The following ANGPT1 variants were observed in gnomAD, a reference collection of about 807,000 sequenced individuals.
ANGPT1 encodes the protein angiopoietin 1.
A neutral mutation model predicts 62.2 loss-of-function variants in ANGPT1; 17 were observed. The observed-to-expected ratio is 0.27, with a 90% CI of 0.19 to 0.41. The LOEUF (loss-of-function observed/expected upper bound fraction) is 0.41, where lower values mean the gene tolerates loss of function less well. ANGPT1 is among the 10% of genes least tolerant of loss of function. The probability of loss-of-function intolerance (pLI) is 1.00; values close to 1 mark genes in which losing one functional copy is unlikely to be tolerated. For missense variants in ANGPT1, 478 were observed against 594.9 expected (o/e 0.80, Z 2.04); for synonymous variants, 199 against 198.9 (o/e 1.00, Z 0.00).
At position 107,444,762 on chromosome 8, in the gene ANGPT1, C is replaced by T. The variant is rs181713643; in HGVS notation, c.297+52500G>A. Among the ~76,000 whole-genome samples the T allele has an allele frequency of 3.3e-5, 5 of 152,086 alleles. 1 individual carries two copies. The East Asian group carries it at 9.7e-4, about 30-fold the overall frequency. On this transcript the variant is annotated intron_variant, in intron 1 of 8. Coordinates refer to ENST00000517746, the MANE Select transcript of ANGPT1 (RefSeq NM_001146.5). ...GAGTGAAAAAATCACTTACCCTGAC[C>T]AAGCATGTAAGACAATGATTTCTAG... is the stretch of plus-strand genomic sequence containing the variant.
chr8:107,361,504 C>A (rs1368492134), intron 1 of ANGPT1, among the ~76,000 whole-genome samples: 2 of 145,888 alleles, frequency 1.4e-5, no homozygotes, highest in African/African-American at 5.0e-5. Context: ...GTATCTATAT[C>A]TATATCTATA....
At chr8:107,281,105 A>G (rs1040181951) in intron 7 of ANGPT1, among the ~76,000 whole-genome samples, 1 of 152,168 alleles carries the variant, frequency 6.6e-6, no homozygotes, top group Non-Finnish European at 1.5e-5. Context: ...GAGTTTCCTT[A>G]GAGGATAAAA....
Position 107,289,020 on chromosome 8 carries a change from C to T in ANGPT1, c.1039-4172G>A, listed in dbSNP as rs565145696. On this transcript the variant is annotated intron_variant, in intron 6 of 8. Transcript: ENST00000517746. ...GAGTAAACAATTACAATACAATTTC[C>T]TCTTTTTCATGAATAAAATCTAAGG... 2.0e-5 allele frequency among the ~76,000 whole-genome samples: 3 copies of T among 152,178 alleles called. No homozygotes were observed. The East Asian group carries it at 5.8e-4, about 29-fold the overall frequency.
At chr8:107,315,859 G>A (rs1191127630) in intron 4 of ANGPT1, among the ~76,000 whole-genome samples, 2 of 152,076 alleles carry the variant, frequency 1.3e-5, no homozygotes, top group South Asian at 4.1e-4. Context: ...ACCCCTACAT[G>A]AATAAGAGCC....
At chr8:107,265,546 G>T (rs1563540828) in intron 7 of ANGPT1, among the ~76,000 whole-genome samples, 1 of 152,138 alleles carries the variant, frequency 6.6e-6, no homozygotes, top group Non-Finnish European at 1.5e-5. Context: ...GTGTTCTCTG[G>T]CTAAGACTCT....
At chr8:107,490,530 C>T (rs907998545) in intron 1 of ANGPT1, among the ~76,000 whole-genome samples, 1 of 152,214 alleles carries the variant, frequency 6.6e-6, no homozygotes, top group South Asian at 2.1e-4. Flanking sequence ...TAGTCAGGCT[C>T]TCTGCCAACT....
chr8:107,491,426 C>T (rs1399994903), intron 1 of ANGPT1, among the ~76,000 whole-genome samples: 1 of 151,962 alleles, frequency 6.6e-6, no homozygotes, highest in Non-Finnish European at 1.5e-5. Flanking sequence ...GTAGCAAGTA[C>T]CATGAAGAAA....
intron 7 of ANGPT1, among the ~76,000 whole-genome samples, chr8:107,281,256 C>T (rs1311697828): frequency 6.6e-6 from 1 of 151,916 alleles, no homozygotes; most frequent in Admixed American, 6.6e-5. Context: ...AGGACCACAC[C>T]TGTTACAAGA....
At chr8:107,348,063 A>G (rs78672400) in intron 1 of ANGPT1, among the ~76,000 whole-genome samples, 1 of 152,136 alleles carries the variant, frequency 6.6e-6, no homozygotes, top group Non-Finnish European at 1.5e-5. Context: ...TTATTACTCT[A>G]CTACACATAT....
intron 1 of ANGPT1, among the ~76,000 whole-genome samples, chr8:107,378,168 C>G (rs996979619): frequency 6.6e-6 from 1 of 152,172 alleles, no homozygotes; most frequent in African/African-American, 2.4e-5. Flanking sequence ...GGTTTAGACA[C>G]ACTTGAATTT....
intron 6 of ANGPT1, among the ~76,000 whole-genome samples, chr8:107,285,685 GC>G (rs780105302): frequency 2.3e-4 from 35 of 152,072 alleles, no homozygotes; most frequent in Non-Finnish European, 4.0e-4. Context: ...GAAAGCCAGC[GC>G]TTAATGTTGG....
chr8:107,476,127 C>A (rs1300277864), intron 1 of ANGPT1, among the ~76,000 whole-genome samples: 3 of 152,190 alleles, frequency 2.0e-5, no homozygotes, highest in Non-Finnish European at 4.4e-5. Flanking sequence ...TATAAAGACA[C>A]ATCCACATGT....
At chr8:107,361,327 C>T (rs1228836024) in intron 1 of ANGPT1, among the ~76,000 whole-genome samples, 1 of 151,210 alleles carries the variant, frequency 6.6e-6, no homozygotes, top group African/African-American at 2.4e-5. Context: ...ACCTCCTGAG[C>T]TGGAATAATT....
At chr8:107,282,595 T>TATATAA in intron 7 of ANGPT1, among the ~76,000 whole-genome samples, 1 of 123,910 alleles carries the variant, frequency 8.1e-6, no homozygotes, top group Non-Finnish European at 1.7e-5. Flanking sequence ...TATATATATA[T>TATATAA]GAGCCTCAGC....
rs139781448 is a variant in ANGPT1 at position 107,459,489 on chromosome 8, AAACAACAACAACAACAAC to A, written c.297+37755_297+37772del. On this transcript the variant is annotated intron_variant, in intron 1 of 8. Coordinates refer to ENST00000517746, the MANE Select transcript of ANGPT1 (RefSeq NM_001146.5). ...GGGCAAGTGAGTGAGACTCCTTATC[AAACAACAACAACAACAAC>A]AACAACAACAACAACAACAACAAAA... 5.3e-4 allele frequency among the ~76,000 whole-genome samples: 80 copies of A among 150,076 alleles called. 2 individuals carry two copies. In the East Asian group the frequency reaches 0.012, roughly 23 times the overall value.
At chr8:107,489,617 G>A (rs1047462073) in intron 1 of ANGPT1, among the ~76,000 whole-genome samples, 11 of 152,024 alleles carry the variant, frequency 7.2e-5, no homozygotes, top group African/African-American at 2.2e-4. Context: ...TAATTATTTC[G>A]AATTAGATAA....
chr8:107,363,066 T>C (rs1445032227), intron 1 of ANGPT1, among the ~76,000 whole-genome samples: 2 of 149,920 alleles, frequency 1.3e-5, no homozygotes, highest in East Asian at 2.0e-4. Flanking sequence ...TCCCAGAATG[T>C]GTCAGCAGGG....
chr8:107,417,592 T>C (rs760660777), intron 1 of ANGPT1, among the ~76,000 whole-genome samples: 1 of 152,154 alleles, frequency 6.6e-6, no homozygotes. Flanking sequence ...TCTGTCTACA[T>C]TTAAATGTTA....
intron 1 of ANGPT1, among the ~76,000 whole-genome samples, chr8:107,492,422 G>A (rs1586367983): frequency 6.6e-6 from 1 of 152,070 alleles, no homozygotes; most frequent in South Asian, 2.1e-4. Context: ...TGCAACCTCC[G>A]CCTCCTGGGT....
Sources: gnomAD v4.1 joint callset for allele counts (sites outside exome capture counted in the v4.1 genomes callset) on GRCh38, gnomAD v4.1.1 for gene constraint, MANE v1.5 for transcripts, NCBI Gene and HGNC (gene_info 2026-07-23, HGNC 2026-07-21) for gene names.